Variants in TEX264 observed in about 807,000 individuals in gnomAD.
TEX264 encodes testis expressed 264, ER-phagy receptor.
In TEX264, 13 loss-of-function variants were observed where a neutral mutation model predicts 23.4. The ratio of observed to expected loss-of-function variants is 0.56; its 90% CI spans 0.36 to 0.88. The LOEUF (loss-of-function observed/expected upper bound fraction) is 0.88, where lower values mean the gene tolerates loss of function less well. Ranked by LOEUF, TEX264 falls within the 40% of genes least tolerant of loss-of-function variation. TEX264 has a pLI of 0.01. For missense variants in TEX264, 340 were observed against 406.8 expected (o/e 0.84, Z 1.41); for synonymous variants, 159 against 170.0 (o/e 0.94, Z 0.50).
intron 2 of TEX264, among the ~76,000 whole-genome samples, chr3:51,679,240 T>C (rs1702339581): frequency 6.6e-6 from 1 of 152,130 alleles, no homozygotes; most frequent in South Asian, 2.1e-4. Flanking sequence ...ACCTCAGGGT[T>C]TTTGTTTTGT....
At chr3:51,673,506 T>TA (rs1702125441) in intron 1 of TEX264, among the ~76,000 whole-genome samples, 1 of 152,230 alleles carries the variant, frequency 6.6e-6, no homozygotes, top group Admixed American at 6.5e-5. Flanking sequence ...CTTTTCCTCT[T>TA]ACTACTCACT....
At chr3:51,680,342 G>C (rs1324084075) in intron 2 of TEX264, among the ~76,000 whole-genome samples, 2 of 152,180 alleles carry the variant, frequency 1.3e-5, no homozygotes, top group African/African-American at 4.8e-5. Flanking sequence ...CAGGGGCCCC[G>C]AGATGGCTGT....
chr3:51,703,121 T>A lies in TEX264; in HGVS notation c.650-603T>A, dbSNP rs900665441. Among the ~76,000 whole-genome samples the A allele has an allele frequency of 7.2e-5, 11 of 152,186 alleles. No individual in the cohort carries two copies. Among genetic ancestry groups the A allele is most frequent in the Non-Finnish European group, 1.3e-4 (9 of 68,024 alleles). On this transcript the variant is annotated intron_variant, in intron 4 of 4. Transcript: ENST00000341333. The surrounding 1 kb of genome is among the most constrained non-coding windows in gnomAD (Gnocchi z 4.8). ...ATTTCTCAGGCCTTCTCCATCCTCC[T>A]CGTACTTCAGCTCCCTCCTCAACTG... is the stretch of plus-strand genomic sequence containing the variant.
intron 4 of TEX264, among the ~76,000 whole-genome samples, chr3:51,701,748 C>T (rs1268156379): frequency 6.7e-6 from 1 of 148,944 alleles, no homozygotes; most frequent in Admixed American, 6.6e-5. Context: ...TCTCCTGCCT[C>T]AGCTTCCTGA....
intron 3 of TEX264, among the ~76,000 whole-genome samples, chr3:51,697,175 G>A (rs764704899): frequency 2.0e-5 from 3 of 152,194 alleles, no homozygotes; most frequent in African/African-American, 7.2e-5. Context: ...CGGGCTCTCC[G>A]GAGGAAGCAG....
At chr3:51,681,064 C>G (rs1702413160) in intron 2 of TEX264, among the ~76,000 whole-genome samples, 1 of 152,282 alleles carries the variant, frequency 6.6e-6, no homozygotes, top group Admixed American at 6.5e-5. Context: ...GCTGAGAGAC[C>G]TTCTAGGCTC....
In TEX264 at chr3:51,691,555, G is replaced by T. The variant is rs1438616844; in HGVS notation, c.480+6921G>T. On this transcript the variant is annotated intron_variant, in intron 3 of 4. Transcript: ENST00000341333. The surrounding 1 kb of genome is among the most constrained non-coding windows in gnomAD (Gnocchi z 4.4). The stretch of plus-strand genomic sequence containing the variant: ...TTGGGCTGCACCTATAAGGTAGGCA[G>T]TGTTCCCCAGGTGGGAAGGCAGGTC... 1.3e-5 allele frequency among the ~76,000 whole-genome samples: 2 copies of T among 152,236 alleles called. No homozygotes were observed. The highest frequency in any genetic ancestry group is 4.8e-5 in the African/African-American group (2 of 41,452).
chr3:51,686,556 C>T lies in TEX264; in HGVS notation c.480+1922C>T, dbSNP rs1295449571. 6.6e-6 allele frequency among the ~76,000 whole-genome samples: 1 copy of T among 151,788 alleles called. No individual in the cohort carries two copies. The highest frequency in any genetic ancestry group is 2.4e-5 in the African/African-American group (1 of 41,292). ...AGACCTGGAAAGGGGAGGGCTGTCACGGTGATAAGGCAAGGGCACAGGGAG... is the reference window on the plus strand; with the variant it reads ...AGACCTGGAAAGGGGAGGGCTGTCATGGTGATAAGGCAAGGGCACAGGGAG... On this transcript the variant is annotated intron_variant, in intron 3 of 4. Transcript: ENST00000341333. The surrounding 1 kb of genome is among the most constrained non-coding windows in gnomAD (Gnocchi z 4.1).
rs766273698 is a variant in TEX264, at chr3:51,693,476, G to GTT, written c.481-5910_481-5909dup. Reference sequence around the variant, plus strand: ...GGCCATTATATCTCGTTTCCATTATGTTTTTTTTTTTTTTTTTTTTTGAGA... The same window carrying GTT: ...GGCCATTATATCTCGTTTCCATTATGTTTTTTTTTTTTTTTTTTTTTTTGAGA... On this transcript the variant is annotated intron_variant, in intron 3 of 4. Transcript: ENST00000341333. Among the ~76,000 whole-genome samples the GTT allele has an allele frequency of 2.3e-3, 276 of 121,646 alleles. 1 individual carries two copies. Among genetic ancestry groups the GTT allele is most frequent in the East Asian group, 8.9e-3 (34 of 3,810 alleles). The allele number at this position is 121,646 out of a possible 152,430, so 79.8% of individuals were successfully genotyped here.
chr3:51,684,324 A>T, intron 2 of TEX264, 89 bp from the exon 3 acceptor site: 1 of 1,206,708 alleles, frequency 8.3e-7, no homozygotes, highest in East Asian at 2.4e-5. Context: ...TGGTTCTTTT[A>T]GGCCTGATCT....
intron 3 of TEX264, among the ~76,000 whole-genome samples, 160 bp downstream of exon 3, chr3:51,684,794 GGTT>G (rs1056596350): frequency 5.3e-5 from 8 of 152,224 alleles, no homozygotes; most frequent in African/African-American, 1.9e-4. Context: ...GATGGGCAGA[GGTT>G]GTTGGCATCT....
rs1383337085 is a variant in TEX264, at chr3:51,691,036, C to T, written c.480+6402C>T. Among the ~76,000 whole-genome samples the T allele has an allele frequency of 1.3e-5, 2 of 152,196 alleles. No individual in the cohort carries two copies. The highest frequency in any genetic ancestry group is 6.5e-5 in the Admixed American group (1 of 15,282). On this transcript the variant is annotated intron_variant, in intron 3 of 4. Coordinates refer to ENST00000341333, the MANE Select transcript of TEX264 (RefSeq NM_015926.6). This position sits in a 1 kb window ranked among gnomAD's most constrained non-coding sequence, Gnocchi z 4.4. ...TTTGGGATATGCTCGGGATGGTGCC[C>T]CAGGGTGGGCTTTCTTTCCTTCTTT...
intron 1 of TEX264, chr3:51,672,457 A>T (rs1702082136): frequency 6.6e-6 from 1 of 152,048 alleles, no homozygotes; most frequent in Non-Finnish European, 1.5e-5. Flanking sequence ...AGAAAGGTAG[A>T]TACTAAGTTT....
At chr3:51,698,147 T>G (rs531705038) in intron 3 of TEX264, among the ~76,000 whole-genome samples, 27 of 152,176 alleles carry the variant, frequency 1.8e-4, no homozygotes, top group Non-Finnish European at 3.4e-4. Flanking sequence ...AGGTAAACCT[T>G]TCAGGCTCAC....
intron 2 of TEX264, among the ~76,000 whole-genome samples, chr3:51,678,335 GGCT>G (rs1702301998): frequency 6.6e-6 from 1 of 152,158 alleles, no homozygotes; most frequent in African/African-American, 2.4e-5. Context: ...CTAGTGGCTG[GGCT>G]GCTATCACTG....
intron 3 of TEX264, among the ~76,000 whole-genome samples, chr3:51,689,859 C>G (rs1354666739): frequency 6.6e-6 from 1 of 152,190 alleles, no homozygotes; most frequent in Non-Finnish European, 1.5e-5. Context: ...AAGAGAGGCA[C>G]TTGTCTTGAG....
intron 3 of TEX264, among the ~76,000 whole-genome samples, chr3:51,697,050 C>T (rs1703085912): frequency 6.6e-6 from 1 of 152,242 alleles, no homozygotes. Flanking sequence ...TCTCCATCCT[C>T]TGTCTCCCTT....
In TEX264 at chr3:51,674,658, AG is replaced by A. The variant is rs1263540395; in HGVS notation, c.258+97del. ...TTTTGGTTGCTGAGGAAAGGGTGGG[AG>A]AATCTTCAAGCTGGCCCTGCAGACC... On this transcript the variant is annotated intron_variant, in intron 2 of 4. Transcript: ENST00000341333. 20 of 1,463,094 alleles carry A rather than the reference AG, an allele frequency of 1.4e-5. No homozygotes were observed. In the East Asian group the frequency reaches 3.0e-4, roughly 22 times the overall value. The allele number at this position is 1,463,094 out of a possible 1,614,324, so 90.6% of individuals were successfully genotyped here.
At chr3:51,690,624 C>T (rs1702794294) in intron 3 of TEX264, among the ~76,000 whole-genome samples, 1 of 152,102 alleles carries the variant, frequency 6.6e-6, no homozygotes, top group Non-Finnish European at 1.5e-5. Context: ...GGTCATTTCC[C>T]TCTTCCTGCC....
Sources: allele counts gnomAD v4.1 joint callset (sites outside exome capture counted in the v4.1 genomes callset), GRCh38; gene constraint gnomAD v4.1.1; non-coding constraint Gnocchi (gnomAD v3.1); transcripts MANE v1.5; gene names NCBI Gene and HGNC (gene_info 2026-07-23, HGNC 2026-07-21).